The following ATF6 variants were observed in gnomAD, a reference collection of about 807,000 sequenced individuals.
The protein encoded by ATF6 is activating transcription factor 6.
In ATF6, 53 loss-of-function variants were observed where a neutral mutation model predicts 83.6. That is an observed-to-expected ratio of 0.63 (90% CI 0.51 to 0.80). ATF6 has a LOEUF of 0.80. Among genes scored for constraint, ATF6 ranks in the 30% least tolerant of loss-of-function variants. The pLI is 0.00. For missense variants in ATF6, 744 were observed against 797.9 expected (o/e 0.93, Z 0.81); for synonymous variants, 288 against 285.8 (o/e 1.01, Z -0.08).
At chr1:161,907,820 T>C (rs1687906204) in intron 14 of ATF6, among the ~76,000 whole-genome samples, 1 of 152,212 alleles carries the variant, frequency 6.6e-6, no homozygotes, top group African/African-American at 2.4e-5. Flanking sequence ...AAATCCACTC[T>C]TCAGAGTTCC....
chr1:161,797,031 G>A (rs2879841), intron 6 of ATF6, among the ~76,000 whole-genome samples: 18,030 of 151,694 alleles, frequency 0.12, 1,608 homozygotes, highest in East Asian at 0.31. Context: ...TTTACTTTAT[G>A]TGTTTCTAAT....
intron 1 of ATF6, among the ~76,000 whole-genome samples, chr1:161,774,295 A>G (rs917736136): frequency 6.6e-6 from 1 of 151,956 alleles, no homozygotes; most frequent in African/African-American, 2.4e-5. Flanking sequence ...AAATAAACTG[A>G]AAGAGGGGCA....
rs1480648899 is a variant in ATF6 at position 161,963,779 on chromosome 1, G to A, written c.*5125G>A. ...GGCACTGGTTTCCTGTTACCACTTT[G>A]GCAAGTATGGATGGTCTAAGTCCAG... On this transcript the variant is annotated 3_prime_UTR_variant, in exon 16 of 16. Transcript: ENST00000367942. 1 of 152,164 alleles carries A rather than the reference G, an allele frequency of 6.6e-6. No homozygotes were observed. Among genetic ancestry groups the A allele is most frequent in the East Asian group, 1.9e-4 (1 of 5,188 alleles). The allele number at this position is 152,164 out of a possible 1,614,324, so 9.4% of individuals were successfully genotyped here. A position where few individuals can be genotyped will look rare whatever the true frequency, so the allele number is the denominator to read the frequency against.
intron 15 of ATF6, among the ~76,000 whole-genome samples, chr1:161,922,118 T>C (rs187655780): frequency 4.6e-5 from 7 of 152,372 alleles, no homozygotes; most frequent in Admixed American, 4.6e-4. Context: ...TTTATTATTT[T>C]TCCATCTTAA....
intron 15 of ATF6, among the ~76,000 whole-genome samples, chr1:161,939,852 G>C (rs375031496): frequency 6.6e-6 from 1 of 152,148 alleles, no homozygotes; most frequent in Admixed American, 6.5e-5. Context: ...TAGTCTTTAG[G>C]TAGGTAGCTA....
intron 15 of ATF6, among the ~76,000 whole-genome samples, chr1:161,929,514 A>G (rs191206107): frequency 2.5e-4 from 38 of 152,314 alleles, no homozygotes; most frequent in African/African-American, 9.1e-4. Context: ...CCTAGTTACA[A>G]GGAAGTCTGG....
chr1:161,866,591 T>G (rs1391996313), intron 14 of ATF6, among the ~76,000 whole-genome samples: 1 of 152,246 alleles, frequency 6.6e-6, no homozygotes, highest in Admixed American at 6.5e-5. Flanking sequence ...CTGTAAATAC[T>G]TTGCCTTTTT....
At chr1:161,939,127 C>G (rs1424893526) in intron 15 of ATF6, among the ~76,000 whole-genome samples, 2 of 152,124 alleles carry the variant, frequency 1.3e-5, no homozygotes, top group African/African-American at 4.8e-5. Context: ...CATCTTATTC[C>G]CAGCAACATT....
At position 161,963,655 on chromosome 1, in the gene ATF6, C is replaced by T. The variant is rs1689148954; in HGVS notation, c.*5001C>T. ...GCAATTGTATATTGATCCATTTTAACTCATCCTTGCCATAATTTCCAGGCC... is the reference window on the plus strand; with the variant it reads ...GCAATTGTATATTGATCCATTTTAATTCATCCTTGCCATAATTTCCAGGCC... On this transcript the variant is annotated 3_prime_UTR_variant, in exon 16 of 16. Transcript: ENST00000367942. 1 of 152,352 alleles carries T rather than the reference C, an allele frequency of 6.6e-6. No individual in the cohort carries two copies. The highest frequency in any genetic ancestry group is 1.9e-4 in the East Asian group (1 of 5,198). The allele number at this position is 152,352 out of a possible 1,614,324, so 9.4% of individuals were successfully genotyped here. A position where few individuals can be genotyped will look rare whatever the true frequency, so the allele number is the denominator to read the frequency against.
In ATF6 at chr1:161,834,542, G is replaced by A. The variant is rs189819335; in HGVS notation, c.1188-11907G>A. Among the ~76,000 whole-genome samples, 38 of 148,366 alleles carry A rather than the reference G, an allele frequency of 2.6e-4. No individual in the cohort carries two copies. In the East Asian group the frequency reaches 6.5e-3, roughly 25 times the overall value. On this transcript the variant is annotated intron_variant, in intron 9 of 15. Coordinates refer to ENST00000367942, the MANE Select transcript of ATF6 (RefSeq NM_007348.4). ...TTGCAAGGATAAAAAACCAAACACCGCATGTTCTCACTCATAGGTGGGAAT... is the reference window on the plus strand; with the variant it reads ...TTGCAAGGATAAAAAACCAAACACCACATGTTCTCACTCATAGGTGGGAAT...
At chr1:161,805,810 CAA>C (rs35124741) in intron 7 of ATF6, among the ~76,000 whole-genome samples, 59 of 144,236 alleles carry the variant, frequency 4.1e-4, no homozygotes, top group Admixed American at 1.4e-3. Flanking sequence ...TGTAATCCAC[CAA>C]AAAAAAAAAA....
intron 7 of ATF6, among the ~76,000 whole-genome samples, chr1:161,810,375 A>T (rs1011900053): frequency 6.6e-6 from 1 of 152,168 alleles, no homozygotes; most frequent in African/African-American, 2.4e-5. Context: ...ACCAGATCTT[A>T]TGAGAACTTA....
rs1421093225 is a variant in ATF6 at position 161,962,991 on chromosome 1, A to G, written c.*4337A>G. ...TAAAGCCTAAAAGAGAATGAAATAT[A>G]AGAAATGTTCGTTCCCACCCCTAAT... On this transcript the variant is annotated 3_prime_UTR_variant, in exon 16 of 16. Transcript: ENST00000367942. 1 of 152,248 alleles carries G rather than the reference A, an allele frequency of 6.6e-6. No individual in the cohort carries two copies. The highest frequency in any genetic ancestry group is 1.5e-5 in the Non-Finnish European group (1 of 68,040). The allele number at this position is 152,248 out of a possible 1,614,324, so 9.4% of individuals were successfully genotyped here. A position where few individuals can be genotyped will look rare whatever the true frequency, so the allele number is the denominator to read the frequency against.
rs1448033939 is a variant in ATF6 at position 161,792,123 on chromosome 1, G to A, written c.485-1G>A. 1 of 1,613,330 alleles carries A rather than the reference G, an allele frequency of 6.2e-7. No individual in the cohort carries two copies. Among genetic ancestry groups the A allele is most frequent in the East Asian group, 2.2e-5 (1 of 44,888 alleles). ...TTGTGGTTTGTCTGGTTTTTCTCCAGAAAATGGACTGACTCCAAAGAAAAA... is the reference window on the plus strand; with the variant it reads ...TTGTGGTTTGTCTGGTTTTTCTCCAAAAAATGGACTGACTCCAAAGAAAAA... On this transcript the variant is annotated splice_acceptor_variant, in intron 5 of 15. Transcript: ENST00000367942. LOFTEE classifies it high-confidence loss of function.
intron 14 of ATF6, among the ~76,000 whole-genome samples, chr1:161,907,036 T>C (rs1403633914): frequency 2.0e-5 from 3 of 152,234 alleles, no homozygotes; most frequent in Non-Finnish European, 2.9e-5. Flanking sequence ...TGTATGTCTG[T>C]ATATTTTTAT....
At chr1:161,861,717 G>A (rs4657115) in intron 13 of ATF6, among the ~76,000 whole-genome samples, 21,542 of 152,140 alleles carry the variant, frequency 0.14, 2,094 homozygotes, top group East Asian at 0.32. Context: ...GCAAACATGC[G>A]TAGATGCTCC....
At chr1:161,871,401 A>G (rs1045715939) in intron 14 of ATF6, among the ~76,000 whole-genome samples, 6 of 151,646 alleles carry the variant, frequency 4.0e-5, no homozygotes, top group Non-Finnish European at 8.9e-5. Flanking sequence ...CAGGCTTACT[A>G]TCTGGGTGAC....
rs182139828 is a variant in ATF6, at chr1:161,819,759, G to A, written c.1036G>A (p.Glu346Lys). 16 of 1,612,538 alleles carry A rather than the reference G, an allele frequency of 9.9e-6. No homozygotes were observed. The highest frequency in any genetic ancestry group is 2.2e-5 in the South Asian group (2 of 90,884). ...ATTAAAGGCTGCCCTCTCAGAAAAC[G>A]AGCAACTGAAGAAAGAAAATGGAAC... ...ARLKAALSENEQLKKENGTLK... is the reference protein window; with the variant it reads ...ARLKAALSENKQLKKENGTLK... The change falls in exon 8 of 16, where the codon GAG becomes AAG. Residue 346 changes from glutamate (E) to lysine (K), a missense_variant. Coordinates refer to ENST00000367942, the MANE Select transcript of ATF6 (RefSeq NM_007348.4).
At chr1:161,822,596 TA>T (rs1685794311) in intron 9 of ATF6, among the ~76,000 whole-genome samples, 1 of 152,036 alleles carries the variant, frequency 6.6e-6, no homozygotes. Flanking sequence ...TTTGAGAAAA[TA>T]ATATGATCAA....
Sources: gnomAD v4.1 joint callset for allele counts (sites outside exome capture counted in the v4.1 genomes callset) on GRCh38, gnomAD v4.1.1 for gene constraint, MANE v1.5 for transcripts, NCBI Gene and HGNC (gene_info 2026-07-23, HGNC 2026-07-21) for gene names.